Variants in DCLK1 observed in about 807,000 individuals in gnomAD.
DCLK1 encodes doublecortin like kinase 1.
In DCLK1, 16 loss-of-function variants were observed where a neutral mutation model predicts 86.2. The observed-to-expected ratio is 0.19, with a 90% CI of 0.13 to 0.28. The LOEUF (loss-of-function observed/expected upper bound fraction) is 0.28. Ranked by LOEUF, DCLK1 falls within the 10% of genes least tolerant of loss-of-function variation. DCLK1 has a pLI of 1.00. For missense variants in DCLK1, 590 were observed against 940.2 expected (o/e 0.63, Z 4.87); for synonymous variants, 369 against 370.5 (o/e 1.00, Z 0.05).
intron 4 of DCLK1, among the ~76,000 whole-genome samples, chr13:35,914,647 T>A (rs1237539944): frequency 1.3e-5 from 2 of 150,206 alleles, no homozygotes; most frequent in Non-Finnish European, 3.0e-5. Flanking sequence ...GCTGGAGAGG[T>A]CAGGGCTGCA....
intron 3 of DCLK1, among the ~76,000 whole-genome samples, chr13:35,971,421 G>A (rs1879053357): frequency 6.6e-6 from 1 of 152,150 alleles, no homozygotes; most frequent in Admixed American, 6.5e-5. Flanking sequence ...ACACTCCCCT[G>A]AGAAATGATG....
intron 2 of DCLK1, among the ~76,000 whole-genome samples, chr13:36,123,153 A>G (rs1283013033): frequency 6.6e-6 from 1 of 152,228 alleles, no homozygotes; most frequent in Non-Finnish European, 1.5e-5. Context: ...AGCTAATAAC[A>G]TGCACTGACG....
At chr13:36,017,054 AG>A (rs1173235510) in intron 3 of DCLK1, among the ~76,000 whole-genome samples, 20 of 152,362 alleles carry the variant, frequency 1.3e-4, no homozygotes, top group Admixed American at 5.2e-4. Flanking sequence ...TAATACCTTA[AG>A]AAGGTGAATA....
Position 35,919,901 on chromosome 13 carries a change from C to T in DCLK1, c.823+27457G>A, listed in dbSNP as rs1047435059. On this transcript the variant is annotated intron_variant, in intron 4 of 16. Transcript: ENST00000360631. ...GAGGATAATGATAGTAGCACTCTTG[C>T]GGGGGGGTGGGGGGGTTGTGAGAAT... Among the ~76,000 whole-genome samples, 16 of 17,472 alleles carry T rather than the reference C, an allele frequency of 9.2e-4. 1 individual carries two copies. The highest frequency in any genetic ancestry group is 0.026 in the Middle Eastern group (1 of 38). The allele number at this position is 17,472 out of a possible 152,430, so 11.5% of individuals were successfully genotyped here.
chr13:35,976,419 G>A (rs1308263895), intron 3 of DCLK1, among the ~76,000 whole-genome samples: 2 of 151,952 alleles, frequency 1.3e-5, no homozygotes, highest in Admixed American at 1.3e-4. Flanking sequence ...TTCTGGGCAG[G>A]GATGTTGGTG....
intron 16 of DCLK1, among the ~76,000 whole-genome samples, chr13:35,786,243 T>A (rs1456237422): frequency 6.6e-6 from 1 of 152,214 alleles, no homozygotes; most frequent in Non-Finnish European, 1.5e-5. Context: ...AGTAATTTAA[T>A]TTTCCAGAGG....
At position 35,772,365 on chromosome 13, in the gene DCLK1, G is replaced by C. The variant is rs1451297607; in HGVS notation, c.*2170C>G. 1 of 152,228 alleles carries C rather than the reference G, an allele frequency of 6.6e-6. No individual in the cohort carries two copies. Among genetic ancestry groups the C allele is most frequent in the African/African-American group, 2.4e-5 (1 of 41,444 alleles). The allele number at this position is 152,228 out of a possible 1,614,324, so 9.4% of individuals were successfully genotyped here. A position where few individuals can be genotyped will look rare whatever the true frequency, so the allele number is the denominator to read the frequency against. ...AAAGCAGTAATTCAGAGAAAGAAAG[G>C]AAAATGACAGTCCACTGCAGGTAGG... On this transcript the variant is annotated 3_prime_UTR_variant, in exon 17 of 17. Coordinates refer to ENST00000360631, the MANE Select transcript of DCLK1 (RefSeq NM_001330071.2).
chr13:36,011,825 G>T (rs899644785), intron 3 of DCLK1, among the ~76,000 whole-genome samples: 3 of 149,092 alleles, frequency 2.0e-5, no homozygotes, highest in Non-Finnish European at 4.4e-5. Context: ...TTGACAGTGG[G>T]GTGTTAAAGT....
chr13:36,100,207 A>C (rs1447655778), intron 3 of DCLK1, among the ~76,000 whole-genome samples: 13 of 95,840 alleles, frequency 1.4e-4, no homozygotes, highest in African/African-American at 3.9e-4. Context: ...AAAAAAAAAA[A>C]AAAAAACCAC....
At chr13:35,836,252 T>A (rs1869370360) in intron 7 of DCLK1, 111 bp from the exon 8 acceptor site, 1 of 938,848 alleles carries the variant, frequency 1.1e-6, no homozygotes, top group East Asian at 2.4e-5. Flanking sequence ...AGAATCAATA[T>A]GTCATTCTCT....
At chr13:35,936,867 G>T (rs1013370770) in intron 4 of DCLK1, among the ~76,000 whole-genome samples, 4 of 151,894 alleles carry the variant, frequency 2.6e-5, no homozygotes, top group African/African-American at 7.3e-5. Context: ...GCCAAAGCTG[G>T]AAGAAACTGA....
At chr13:35,863,547 GGAGGGATGA>G (rs1434186570) in intron 5 of DCLK1, among the ~76,000 whole-genome samples, 1 of 152,202 alleles carries the variant, frequency 6.6e-6, no homozygotes, top group Non-Finnish European at 1.5e-5. Flanking sequence ...AGAAATGGAA[GGAGGGATGA>G]GCCTTACATG....
Position 35,950,614 on chromosome 13 carries a change from T to C in DCLK1, c.724-3157A>G, listed in dbSNP as rs137909800. Among the ~76,000 whole-genome samples the C allele has an allele frequency of 1.0e-3, 155 of 152,374 alleles. 1 individual carries two copies. The highest frequency in any genetic ancestry group is 3.4e-3 in the African/African-American group (141 of 41,592). ...CATGCTTCTTGTTACAAAGGGATAG[T>C]GACAATTGGCCTCTCTGCCATGAAT... On this transcript the variant is annotated intron_variant, in intron 3 of 16. Coordinates refer to ENST00000360631, the MANE Select transcript of DCLK1 (RefSeq NM_001330071.2).
chr13:36,103,405 A>AAC, intron 3 of DCLK1, among the ~76,000 whole-genome samples: 1 of 59,524 alleles, frequency 1.7e-5, no homozygotes, highest in East Asian at 2.7e-3. Context: ...CACCTGTCTT[A>AAC]AAAAAAAAAA....
chr13:35,912,422 C>A (rs1201321070), intron 4 of DCLK1, among the ~76,000 whole-genome samples: 1 of 152,148 alleles, frequency 6.6e-6, no homozygotes, highest in Non-Finnish European at 1.5e-5. Context: ...ACCCCCAGTC[C>A]TGTGCCTATA....
chr13:36,092,845 C>G (rs1647665800), intron 3 of DCLK1, among the ~76,000 whole-genome samples: 1 of 152,104 alleles, frequency 6.6e-6, no homozygotes, highest in African/African-American at 2.4e-5. Flanking sequence ...TTCCCATATC[C>G]AATCAGTTAC....
chr13:35,999,714 TCTC>T (rs1880628976), intron 3 of DCLK1, among the ~76,000 whole-genome samples: 1 of 152,186 alleles, frequency 6.6e-6, no homozygotes, highest in African/African-American at 2.4e-5. Flanking sequence ...TAAATTCTAT[TCTC>T]CTCATTACTG....
At chr13:35,827,560 T>A in intron 10 of DCLK1, 75 bp downstream of exon 10, 1 of 1,552,446 alleles carries the variant, frequency 6.4e-7, no homozygotes. Context: ...TGGGAGAAAA[T>A]AAGGGAAAGA....
At chr13:35,783,402 G>GA (rs2086564386) in intron 16 of DCLK1, among the ~76,000 whole-genome samples, 1 of 152,016 alleles carries the variant, frequency 6.6e-6, no homozygotes, top group Non-Finnish European at 1.5e-5. Flanking sequence ...CACAAATTTG[G>GA]AAGGTGGATA....
Sources: gnomAD v4.1 joint callset for allele counts (sites outside exome capture counted in the v4.1 genomes callset) on GRCh38, gnomAD v4.1.1 for gene constraint, MANE v1.5 for transcripts, NCBI Gene and HGNC (gene_info 2026-07-23, HGNC 2026-07-21) for gene names.